Variants in GMEB1 observed in about 807,000 individuals in gnomAD.
GMEB1 encodes the protein glucocorticoid modulatory element-binding protein 1.
A neutral mutation model predicts 52.4 loss-of-function variants in GMEB1; 6 were observed. The ratio of observed to expected loss-of-function variants is 0.11; its 90% CI spans 0.06 to 0.23. The LOEUF is 0.23. Ranked by LOEUF, GMEB1 falls within the 10% of genes least tolerant of loss-of-function variation. The pLI, the probability that GMEB1 is intolerant of heterozygous loss-of-function variation, is 1.00. For missense variants in GMEB1, 486 were observed against 685.6 expected (o/e 0.71, Z 3.25); for synonymous variants, 255 against 244.9 (o/e 1.04, Z -0.38).
Position 28,704,201 on chromosome 1 carries a change from T to G in GMEB1, c.740T>G (p.Leu247Trp), listed in dbSNP as rs1670643295. ...KDSEEISEDT[L>W]MFWKGIADVG... Reference sequence around the variant, plus strand: ...ATCCTTCTTGTGCCAGAGGACACTTTGATGTTCTGGAAAGGAATAGCTGAT... The same window carrying G: ...ATCCTTCTTGTGCCAGAGGACACTTGGATGTTCTGGAAAGGAATAGCTGAT... Residue 247 changes from leucine to tryptophan, a missense_variant, in exon 8 of 10, where the codon TTG becomes TGG. Physicochemically the swap from Leu to Trp is moderately conservative, Grantham distance 61. Transcript: ENST00000373816. The G allele has an allele frequency of 4.3e-6, 7 of 1,611,674 alleles. No homozygotes were observed. Among genetic ancestry groups the G allele is most frequent in the African/African-American group, 1.3e-5 (1 of 74,742 alleles).
At chr1:28,695,928 G>GA (rs1670180902) in intron 5 of GMEB1, among the ~76,000 whole-genome samples, 1 of 85,336 alleles carries the variant, frequency 1.2e-5, no homozygotes, top group South Asian at 4.5e-4. Flanking sequence ...GACAGAGCGA[G>GA]ACTCCGTCTC....
In GMEB1 at chr1:28,687,378, ACACAC is replaced by A. The variant is rs1557504288; in HGVS notation, c.129-2725_129-2721del. Among the ~76,000 whole-genome samples the A allele has an allele frequency of 5.9e-3, 746 of 126,824 alleles. 114 individuals carry two copies. Among genetic ancestry groups the A allele is most frequent in the Middle Eastern group, 0.022 (6 of 268 alleles). The allele number at this position is 126,824 out of a possible 152,430, so 83.2% of individuals were successfully genotyped here. A position where few individuals can be genotyped will look rare whatever the true frequency, so the allele number is the denominator to read the frequency against. ...CACACACACACACACACACACACAC[ACACAC>A]ACACAAAAAAAGACAGTGGAGAATA... is the stretch of plus-strand genomic sequence containing the variant. On this transcript the variant is annotated intron_variant, in intron 2 of 9. Transcript: ENST00000373816.
Position 28,714,106 on chromosome 1 carries a change from A to G in GMEB1, c.1025A>G (p.Gln342Arg). Reference protein sequence around the residue: ...LERQLEEQKKQGQDHRLKSQT... With the variant: ...LERQLEEQKKRGQDHRLKSQT... ...CGCCAGTTGGAGGAGCAGAAGAAGC[A>G]AGGCCAGGATCACAGGCTGAAATCT... The change falls in exon 10 of 10, where the codon CAA becomes CGA. Residue 342 changes from glutamine to arginine, a missense_variant. Transcript: ENST00000373816. 1 of 1,612,196 alleles carries G rather than the reference A, an allele frequency of 6.2e-7. No individual in the cohort carries two copies. The highest frequency in any genetic ancestry group is 8.5e-7 in the Non-Finnish European group (1 of 1,178,314).
chr1:28,690,549 G>C (rs1433665581), intron 3 of GMEB1, among the ~76,000 whole-genome samples: 1 of 152,092 alleles, frequency 6.6e-6, no homozygotes, highest in Non-Finnish European at 1.5e-5. Flanking sequence ...AAAGAAACTG[G>C]AAAGAAACCG....
intron 8 of GMEB1, among the ~76,000 whole-genome samples, chr1:28,706,785 C>T (rs915842854): frequency 3.2e-4 from 48 of 151,192 alleles, no homozygotes; most frequent in African/African-American, 1.2e-3. Flanking sequence ...CTGTCTCAGC[C>T]TCCTGACTAG....
chr1:28,672,736 CT>C (rs540343527), intron 1 of GMEB1, among the ~76,000 whole-genome samples: 1,393 of 119,708 alleles, frequency 0.012, 5 homozygotes, highest in African/African-American at 0.035. Flanking sequence ...CATATTGTTC[CT>C]TTTTTTTTTT....
At chr1:28,690,083 C>T (rs757431624) in intron 2 of GMEB1, 21 bp from the exon 3 acceptor site, 3 of 1,564,620 alleles carry the variant, frequency 1.9e-6, no homozygotes, top group Non-Finnish European at 1.7e-6. Flanking sequence ...GTTTGTTTAT[C>T]GATGGACACT....
intron 1 of GMEB1, among the ~76,000 whole-genome samples, chr1:28,669,537 G>T (rs1364978521): frequency 1.3e-5 from 2 of 152,112 alleles, no homozygotes; most frequent in South Asian, 2.1e-4. Context: ...AGGGAAAAAA[G>T]GGCAGGTTTT....
At chr1:28,694,955 G>A (rs1263726372) in intron 5 of GMEB1, among the ~76,000 whole-genome samples, 1 of 135,666 alleles carries the variant, frequency 7.4e-6, no homozygotes, top group Non-Finnish European at 1.6e-5. Context: ...AGCCACCGTG[G>A]CCAGCCTTTT....
intron 1 of GMEB1, among the ~76,000 whole-genome samples, chr1:28,677,927 T>TATA (rs1669228748): frequency 6.6e-6 from 1 of 152,062 alleles, no homozygotes; most frequent in African/African-American, 2.4e-5. Context: ...CTCACGCTTG[T>TATA]AATCCCAGCA....
intron 7 of GMEB1, 68 bp from the exon 8 acceptor site, chr1:28,704,124 G>C: frequency 7.5e-7 from 1 of 1,330,866 alleles, no homozygotes; most frequent in Non-Finnish European, 1.0e-6. Context: ...ATTTAACGTT[G>C]TAGAGATTTG....
At chr1:28,672,127 A>G (rs956042594) in intron 1 of GMEB1, among the ~76,000 whole-genome samples, 10 of 151,704 alleles carry the variant, frequency 6.6e-5, no homozygotes, top group Admixed American at 2.0e-4. Flanking sequence ...AAAAAATTAA[A>G]TAAATATTTT....
intron 9 of GMEB1, among the ~76,000 whole-genome samples, chr1:28,712,213 G>A (rs1176882962): frequency 6.6e-6 from 1 of 152,148 alleles, no homozygotes; most frequent in African/African-American, 2.4e-5. Flanking sequence ...AGATGGAAGA[G>A]ATGCATGGGA....
At chr1:28,679,858 A>G (rs978790919) in intron 1 of GMEB1, among the ~76,000 whole-genome samples, 3 of 150,954 alleles carry the variant, frequency 2.0e-5, no homozygotes, top group Admixed American at 6.6e-5. Flanking sequence ...CTGGAGTCCA[A>G]TGGCACGATC....
At chr1:28,707,784 G>T (rs552807779) in intron 8 of GMEB1, among the ~76,000 whole-genome samples, 1 of 152,324 alleles carries the variant, frequency 6.6e-6, no homozygotes, top group African/African-American at 2.4e-5. Flanking sequence ...ATGTACATGT[G>T]GGAGTGCTCA....
At chr1:28,674,050 G>A (rs1033480946) in intron 1 of GMEB1, among the ~76,000 whole-genome samples, 2 of 151,898 alleles carry the variant, frequency 1.3e-5, no homozygotes, top group Non-Finnish European at 2.9e-5. Flanking sequence ...GGGAGGCTGA[G>A]GCTGAGACAG....
At chr1:28,698,974 C>G (rs187723874) in intron 6 of GMEB1, among the ~76,000 whole-genome samples, 31 of 152,028 alleles carry the variant, frequency 2.0e-4, no homozygotes, top group African/African-American at 7.5e-4. Flanking sequence ...GAGCAAGACT[C>G]TGTCTCAAAA....
Position 28,692,925 on chromosome 1 carries a change from T to C in GMEB1, c.337-17T>C, listed in dbSNP as rs1670032464. Reference sequence around the variant, plus strand: ...AAGTTGACATTAGACTCTTTGGACTTTTCTTTTTACTTTTAGTTCAATGAT... The same window carrying C: ...AAGTTGACATTAGACTCTTTGGACTCTTCTTTTTACTTTTAGTTCAATGAT... On this transcript the variant is annotated splice_polypyrimidine_tract_variant and intron_variant, in intron 4 of 9. Coordinates refer to ENST00000373816, the MANE Select transcript of GMEB1 (RefSeq NM_001319674.2). 2 of 1,498,824 alleles carry C rather than the reference T, an allele frequency of 1.3e-6. No homozygotes were observed. The highest frequency in any genetic ancestry group is 1.2e-5 in the South Asian group (1 of 84,878). 92.8% of individuals were successfully genotyped at this position (1,498,824 alleles called of 1,614,324 possible). A position where few individuals can be genotyped will look rare whatever the true frequency, so the allele number is the denominator to read the frequency against.
In GMEB1 at chr1:28,712,020, T is replaced by C. The variant is rs532328007; in HGVS notation, c.991+1378T>C. 7.9e-5 allele frequency among the ~76,000 whole-genome samples: 12 copies of C among 152,226 alleles called. No homozygotes were observed. The East Asian group carries it at 2.3e-3, about 29-fold the overall frequency. ...TTTTTTTTTCTTTTTTTTGATTAAT[T>C]GTTGAAGGCAAACTGCAAATGACCT... On this transcript the variant is annotated intron_variant, in intron 9 of 9. Coordinates refer to ENST00000373816, the MANE Select transcript of GMEB1 (RefSeq NM_001319674.2).
Sources: gnomAD v4.1 joint callset for allele counts (sites outside exome capture counted in the v4.1 genomes callset) on GRCh38, gnomAD v4.1.1 for gene constraint, MANE v1.5 for transcripts, NCBI Gene and HGNC (gene_info 2026-07-23, HGNC 2026-07-21) for gene names.